Variants in NCKAP5 observed in about 807,000 individuals in gnomAD.
NCKAP5 encodes nck-associated protein 5.
In NCKAP5, 92 loss-of-function variants were observed where a neutral mutation model predicts 167.0. The observed-to-expected ratio is 0.55, with a 90% CI of 0.47 to 0.66. NCKAP5 has a LOEUF of 0.66. Among genes scored for constraint, NCKAP5 ranks in the 30% least tolerant of loss-of-function variants. The probability of loss-of-function intolerance (pLI) is 0.00; values close to 1 mark genes in which losing one functional copy is unlikely to be tolerated. For missense variants in NCKAP5, 2,378 were observed against 2,315.0 expected (o/e 1.03, Z -0.56); for synonymous variants, 891 against 877.4 (o/e 1.02, Z -0.27).
Position 133,438,175 on chromosome 2 carries a change from C to T in NCKAP5, c.69+79283G>A, listed in dbSNP as rs1233881894. Among the ~76,000 whole-genome samples, 3 of 152,200 alleles carry T rather than the reference C, an allele frequency of 2.0e-5. No homozygotes were observed. In the East Asian group the frequency reaches 5.8e-4, roughly 29 times the overall value. Reference sequence around the variant, plus strand: ...TGGAAAAGAAAATACCAACCCAGGACTCATATTTCAGTGTGAGCCACAGGT... The same window carrying T: ...TGGAAAAGAAAATACCAACCCAGGATTCATATTTCAGTGTGAGCCACAGGT... On this transcript the variant is annotated intron_variant, in intron 3 of 19. Transcript: ENST00000409261.
At chr2:132,959,031 CTAT>C (rs1558990317) in intron 8 of NCKAP5, among the ~76,000 whole-genome samples, 1 of 146,286 alleles carries the variant, frequency 6.8e-6, no homozygotes, top group Non-Finnish European at 1.5e-5. Flanking sequence ...AATATATTTA[CTAT>C]TATTAAATAT....
the NCKAP5 span, among the ~76,000 whole-genome samples, chr2:133,632,346 G>A: frequency 1.3e-5 from 2 of 152,094 alleles, no homozygotes; most frequent in Admixed American, 6.5e-5. Context: ...TTTTGCCTTC[G>A]GCAAATTAGA....
chr2:133,617,949 A>C, the NCKAP5 span, among the ~76,000 whole-genome samples: 1 of 152,154 alleles, frequency 6.6e-6, no homozygotes, highest in Non-Finnish European at 1.5e-5. Context: ...CTGGTACCAA[A>C]ACAGAGATAT....
At chr2:133,565,909 TAAG>T (rs1688514001) in intron 1 of NCKAP5, among the ~76,000 whole-genome samples, 1 of 152,206 alleles carries the variant, frequency 6.6e-6, no homozygotes, top group South Asian at 2.1e-4. Flanking sequence ...GCTGTAGCTA[TAAG>T]AAGTATTATA....
chr2:133,525,315 C>T (rs1480249130), intron 2 of NCKAP5, among the ~76,000 whole-genome samples: 5 of 152,174 alleles, frequency 3.3e-5, no homozygotes, highest in Non-Finnish European at 5.9e-5. Flanking sequence ...CATTCATGCT[C>T]ACTAAACGTC....
intron 4 of NCKAP5, among the ~76,000 whole-genome samples, chr2:133,253,323 T>C (rs549439259): frequency 6.6e-5 from 10 of 152,368 alleles, no homozygotes; most frequent in African/African-American, 2.2e-4. Flanking sequence ...CATAACTTAC[T>C]TCATCAAACA....
chr2:132,972,222 A>C lies in NCKAP5; in HGVS notation c.430-8353T>G, dbSNP rs553862842. ...ATGCAAACTACTCTACCTTCAAGTG[A>C]TGAGAGACCCCTCAAAATTTATATT... On this transcript the variant is annotated intron_variant, in intron 7 of 19. Coordinates refer to ENST00000409261, the MANE Select transcript of NCKAP5 (RefSeq NM_207363.3). Among the ~76,000 whole-genome samples, 3 of 152,282 alleles carry C rather than the reference A, an allele frequency of 2.0e-5. No homozygotes were observed. In the South Asian group the frequency reaches 6.2e-4, roughly 32 times the overall value.
intron 8 of NCKAP5, among the ~76,000 whole-genome samples, chr2:132,932,939 T>C (rs976491822): frequency 3.0e-4 from 45 of 150,390 alleles, no homozygotes; most frequent in African/African-American, 1.1e-3. Flanking sequence ...TTTTTTTTTT[T>C]TTTGAGACAG....
chr2:133,467,304 G>A (rs1398702648), intron 3 of NCKAP5, among the ~76,000 whole-genome samples: 1 of 151,664 alleles, frequency 6.6e-6, no homozygotes, highest in Non-Finnish European at 1.5e-5. Flanking sequence ...TTATATGCTG[G>A]ATTACATTTA....
At chr2:133,440,083 G>A (rs879506291) in intron 3 of NCKAP5, among the ~76,000 whole-genome samples, 22 of 152,136 alleles carry the variant, frequency 1.4e-4, no homozygotes, top group Admixed American at 1.2e-3. Flanking sequence ...TGCTTCACTG[G>A]TGACTGTGTA....
In NCKAP5 at chr2:132,784,025, G is replaced by T; in HGVS notation, c.2786C>A (p.Pro929His). Residue 929 changes from proline (P) to histidine (H), a missense_variant, in exon 14 of 20, where the codon CCT becomes CAT. Transcript: ENST00000409261. Reference sequence around the variant, plus strand: ...GACGGACCTGCCTGGAGGGGGCGGAGGGGAAGGGGATTTCACCCCTGCCTC... The same window carrying T: ...GACGGACCTGCCTGGAGGGGGCGGATGGGAAGGGGATTTCACCCCTGCCTC... Reference protein sequence around the residue: ...GPEAGVKSPSPPPPPGRSVSL... With the variant: ...GPEAGVKSPSHPPPPGRSVSL... 1 of 1,558,580 alleles carries T rather than the reference G, an allele frequency of 6.4e-7. No individual in the cohort carries two copies. The highest frequency in any genetic ancestry group is 2.0e-5 in the Admixed American group (1 of 49,284).
At chr2:133,366,027 C>A (rs902425108) in intron 3 of NCKAP5, among the ~76,000 whole-genome samples, 2 of 152,122 alleles carry the variant, frequency 1.3e-5, no homozygotes, top group Non-Finnish European at 2.9e-5. Flanking sequence ...TTTGTAAAAG[C>A]ACACATTTAA....
rs1359487543 is a variant in NCKAP5, at chr2:132,878,642, ACACACACACACACG to A, written c.648+192_648+205del. On this transcript the variant is annotated intron_variant, in intron 9 of 19. Coordinates refer to ENST00000409261, the MANE Select transcript of NCKAP5 (RefSeq NM_207363.3). ...CACACACACACACACACACACACAC[ACACACACACACACG>A]CACGCATACACACACACACACCGCC... is the stretch of plus-strand genomic sequence containing the variant. Among the ~76,000 whole-genome samples, 50 of 49,638 alleles carry A rather than the reference ACACACACACACACG, an allele frequency of 1.0e-3. No homozygotes were observed. In the East Asian group the frequency reaches 0.034, roughly 34 times the overall value. The allele number at this position is 49,638 out of a possible 152,430, so 32.6% of individuals were successfully genotyped here.
chr2:133,279,319 G>C (rs143080858), intron 4 of NCKAP5, among the ~76,000 whole-genome samples: 1 of 152,198 alleles, frequency 6.6e-6, no homozygotes, highest in Non-Finnish European at 1.5e-5. Flanking sequence ...CGTCAGGTTT[G>C]GATTGTATAC....
chr2:132,797,763 C>G (rs1558793646), intron 11 of NCKAP5, among the ~76,000 whole-genome samples: 1 of 152,198 alleles, frequency 6.6e-6, no homozygotes, highest in African/African-American at 2.4e-5. Context: ...CCACTGGTCA[C>G]TCTGTCCCAG....
chr2:133,021,389 A>G (rs978250213), intron 6 of NCKAP5, among the ~76,000 whole-genome samples: 8 of 152,170 alleles, frequency 5.3e-5, no homozygotes, highest in African/African-American at 1.9e-4. Context: ...ATGGGAAAAA[A>G]TAGATATTCT....
chr2:133,032,413 C>A (rs1420711108), intron 6 of NCKAP5, among the ~76,000 whole-genome samples: 2 of 152,174 alleles, frequency 1.3e-5, no homozygotes, highest in Non-Finnish European at 2.9e-5. Flanking sequence ...AGGACTAGGT[C>A]TTGTGGTCTG....
intron 3 of NCKAP5, among the ~76,000 whole-genome samples, chr2:133,434,229 G>A (rs1399832020): frequency 6.6e-6 from 1 of 152,146 alleles, no homozygotes; most frequent in East Asian, 1.9e-4. Context: ...ATTTTGCCAG[G>A]TGATGCTTGA....
chr2:133,348,115 A>G (rs1357068332), intron 3 of NCKAP5, among the ~76,000 whole-genome samples: 1 of 152,138 alleles, frequency 6.6e-6, no homozygotes, highest in Non-Finnish European at 1.5e-5. Context: ...TAGACTTCTC[A>G]GAGATCTGCC....
Sources: allele counts gnomAD v4.1 joint callset (sites outside exome capture counted in the v4.1 genomes callset), GRCh38; gene constraint gnomAD v4.1.1; transcripts MANE v1.5; gene names NCBI Gene and HGNC (gene_info 2026-07-23, HGNC 2026-07-21).